Variants in FILIP1 observed in about 807,000 individuals in gnomAD.
FILIP1 encodes the protein filamin A interacting protein 1, also known as filamin-A-interacting protein 1.
A neutral mutation model predicts 102.1 loss-of-function variants in FILIP1; 61 were observed. The observed-to-expected ratio is 0.60, with a 90% CI of 0.49 to 0.74. FILIP1 has a LOEUF of 0.74. Among genes scored for constraint, FILIP1 ranks in the 30% least tolerant of loss-of-function variants. The pLI is 0.00. For missense variants in FILIP1, 1,314 were observed against 1,441.2 expected (o/e 0.91, Z 1.43); for synonymous variants, 491 against 526.9 (o/e 0.93, Z 0.93).
chr6:75,445,880 TAAC>T (rs1235754914), intron 1 of FILIP1, among the ~76,000 whole-genome samples: 2 of 152,222 alleles, frequency 1.3e-5, no homozygotes, highest in East Asian at 1.9e-4. Flanking sequence ...TAATACCTAT[TAAC>T]AACAACAAAC....
Position 75,398,765 on chromosome 6 carries a change from A to C in FILIP1, c.276+15932T>G, listed in dbSNP as rs551291693. On this transcript the variant is annotated intron_variant, in intron 2 of 5. Coordinates refer to ENST00000237172, the MANE Select transcript of FILIP1 (RefSeq NM_015687.5). ...ACATGCTGGTCTACATTTTATTCTT[A>C]AAAACATTTAATAACTATCTTTTAA... The C allele has an allele frequency of 2.0e-5, 3 of 152,340 alleles. No individual in the cohort carries two copies. In the East Asian group the frequency reaches 5.8e-4, roughly 29 times the overall value. The allele number at this position is 152,340 out of a possible 1,614,324, so 9.4% of individuals were successfully genotyped here. A position where few individuals can be genotyped will look rare whatever the true frequency, so the allele number is the denominator to read the frequency against.
At chr6:75,382,051 G>C (rs1427753617) in intron 2 of FILIP1, among the ~76,000 whole-genome samples, 1 of 152,220 alleles carries the variant, frequency 6.6e-6, no homozygotes, top group African/African-American at 2.4e-5. Flanking sequence ...AATGTTTCCT[G>C]TACTAACAAT....
intron 2 of FILIP1, among the ~76,000 whole-genome samples, chr6:75,384,282 G>A (rs1160062333): frequency 1.3e-5 from 2 of 152,142 alleles, no homozygotes; most frequent in Non-Finnish European, 2.9e-5. Flanking sequence ...TGTGATTTAT[G>A]TCTGTAGTAA....
At chr6:75,492,264 T>C (rs1779983998) in intron 1 of FILIP1, among the ~76,000 whole-genome samples, 1 of 152,220 alleles carries the variant, frequency 6.6e-6, no homozygotes, top group Admixed American at 6.5e-5. Context: ...TAAAAGAAGA[T>C]CATTTTCTGA....
chr6:75,344,506 A>G (rs1774515062), intron 4 of FILIP1, among the ~76,000 whole-genome samples: 1 of 152,254 alleles, frequency 6.6e-6, no homozygotes, highest in Non-Finnish European at 1.5e-5. Flanking sequence ...AAATGGGGTC[A>G]GTTAGCCTGA....
In FILIP1 at chr6:75,315,190, G is replaced by A. The variant is rs150628166; in HGVS notation, c.642C>T (p.Leu214=). 95 of 1,541,252 alleles carry A rather than the reference G, an allele frequency of 6.2e-5. No individual in the cohort carries two copies. Among genetic ancestry groups the A allele is most frequent in the African/African-American group, 1.5e-4 (11 of 71,660 alleles). The change falls in exon 5 of 6, where the codon CTC becomes CTT. Residue 214 remains leucine, a synonymous_variant. Transcript: ENST00000237172. ...CTTGATAAGCCTTTTCTTGTTCAAG[G>A]AGCTTTTTTAACCTAGAAAATAAAA... ...LEQERERLKK[L]LEQEKAYQAR...
At chr6:75,441,369 C>T (rs902558539) in intron 1 of FILIP1, among the ~76,000 whole-genome samples, 7 of 152,294 alleles carry the variant, frequency 4.6e-5, no homozygotes, top group South Asian at 2.1e-4. Flanking sequence ...TGAAGTCTCC[C>T]ATGTCTACTT....
rs75300045 is a variant in FILIP1 at position 75,326,944 on chromosome 6, C to G, written c.630-11742G>C. Among the ~76,000 whole-genome samples, 9 of 152,254 alleles carry G rather than the reference C, an allele frequency of 5.9e-5. No individual in the cohort carries two copies. In the East Asian group the frequency reaches 1.7e-3, roughly 29 times the overall value. Reference sequence around the variant, plus strand: ...TAGCATTGTGTCAATGGCAAGATGACCCCAATTATTAATTAAATAGGTCAA... The same window carrying G: ...TAGCATTGTGTCAATGGCAAGATGAGCCCAATTATTAATTAAATAGGTCAA... On this transcript the variant is annotated intron_variant, in intron 4 of 5. Transcript: ENST00000237172.
intron 2 of FILIP1, among the ~76,000 whole-genome samples, chr6:75,407,847 ATT>A (rs1776928471): frequency 6.6e-6 from 1 of 152,132 alleles, no homozygotes; most frequent in Non-Finnish European, 1.5e-5. Context: ...TAAAATGGCT[ATT>A]TTTTTGCATC....
intron 1 of FILIP1, among the ~76,000 whole-genome samples, chr6:75,441,618 C>T (rs1778236764): frequency 6.7e-6 from 1 of 148,214 alleles, no homozygotes; most frequent in Non-Finnish European, 1.5e-5. Context: ...GGCTGACCCC[C>T]CCGACCTCCC....
chr6:75,296,918 G>T (rs1408808762), intron 6 of FILIP1: 1 of 152,050 alleles, frequency 6.6e-6, no homozygotes, highest in East Asian at 1.9e-4. Context: ...ACATTTATCA[G>T]TATGACTCAC....
chr6:75,326,097 A>AGATC (rs1037872045), intron 4 of FILIP1, among the ~76,000 whole-genome samples: 6 of 147,662 alleles, frequency 4.1e-5, no homozygotes, highest in Non-Finnish European at 9.0e-5. Flanking sequence ...TAGATAGATT[A>AGATC]GATAGATAGA....
chr6:75,414,883 T>G lies in FILIP1; in HGVS notation c.90A>C (p.Lys30Asn), dbSNP rs1330209032. 3.1e-6 allele frequency: 5 copies of G among 1,613,840 alleles called. No homozygotes were observed. In the African/African-American group the frequency reaches 5.3e-5, roughly 17 times the overall value. Residue 30 changes from lysine to asparagine, a missense_variant, in exon 2 of 6, where the codon AAA becomes AAC. Physicochemically the swap from Lys to Asn is moderately conservative, Grantham distance 94. Transcript: ENST00000237172. ...KPSIIGNAGE[K>N]SLSEDAKKKK... ...TCTTTTTTGCATCTTCTGAGAGACTTTTTTCACCAGCATTGCCGATGATGG... is the reference window on the plus strand; with the variant it reads ...TCTTTTTTGCATCTTCTGAGAGACTGTTTTCACCAGCATTGCCGATGATGG...
intron 6 of FILIP1, chr6:75,296,574 A>G (rs1172548203): frequency 6.7e-6 from 1 of 149,400 alleles, no homozygotes; most frequent in South Asian, 2.1e-4. Flanking sequence ...ATCTCGGCTC[A>G]CCGCAAGCTC....
chr6:75,432,856 G>A (rs983025458), intron 1 of FILIP1, among the ~76,000 whole-genome samples: 6 of 151,614 alleles, frequency 4.0e-5, no homozygotes, highest in African/African-American at 7.3e-5. Flanking sequence ...AACAGGCCCC[G>A]GTGTGTGATG....
chr6:75,418,892 A>C (rs1013253485), intron 1 of FILIP1, among the ~76,000 whole-genome samples: 2 of 152,162 alleles, frequency 1.3e-5, no homozygotes, highest in African/African-American at 4.8e-5. Flanking sequence ...AATAATTTAC[A>C]CGGAATTTGC....
At chr6:75,410,629 A>C (rs1777034111) in intron 2 of FILIP1, among the ~76,000 whole-genome samples, 1 of 152,012 alleles carries the variant, frequency 6.6e-6, no homozygotes, top group Admixed American at 6.5e-5. Context: ...ACTCTCACTT[A>C]TGAGTGAGAA....
At chr6:75,456,803 G>A (rs1424970977) in intron 1 of FILIP1, among the ~76,000 whole-genome samples, 1 of 151,958 alleles carries the variant, frequency 6.6e-6, no homozygotes, top group Admixed American at 6.6e-5. Context: ...CGTGATCCGC[G>A]CGGGTCGGCC....
At chr6:75,407,646 C>T (rs1776919261) in intron 2 of FILIP1, among the ~76,000 whole-genome samples, 1 of 152,156 alleles carries the variant, frequency 6.6e-6, no homozygotes, top group Non-Finnish European at 1.5e-5. Flanking sequence ...TCTGACTTAG[C>T]CTGGAAAATA....
Sources: allele counts gnomAD v4.1 joint callset (sites outside exome capture counted in the v4.1 genomes callset), GRCh38; gene constraint gnomAD v4.1.1; transcripts MANE v1.5; gene names NCBI Gene and HGNC (gene_info 2026-07-23, HGNC 2026-07-21).